Variants in CEP63 observed in about 807,000 individuals in gnomAD.
CEP63 encodes centrosomal protein 63.
A neutral mutation model predicts 89.1 loss-of-function variants in CEP63; 84 were observed. The ratio of observed to expected loss-of-function variants is 0.94; its 90% CI spans 0.79 to 1.13. The LOEUF (loss-of-function observed/expected upper bound fraction) is 1.13, where lower values mean the gene tolerates loss of function less well. CEP63 is among the 50% of genes most tolerant of loss of function. The pLI is 0.00. For synonymous variants in CEP63, 267 were observed against 272.5 expected (o/e 0.98, Z 0.20); for missense variants, 838 against 813.3 (o/e 1.03, Z -0.37).
At chr3:134,553,246 A>T (rs1560028209) in intron 12 of CEP63, 1 of 152,152 alleles carries the variant, frequency 6.6e-6, no homozygotes, top group South Asian at 2.1e-4. Flanking sequence ...ACTATTATAG[A>T]GTACCTTATT....
chr3:134,542,213 T>C (rs1029687054), intron 6 of CEP63, among the ~76,000 whole-genome samples: 15 of 152,202 alleles, frequency 9.9e-5, no homozygotes, highest in Admixed American at 9.2e-4. Context: ...AAATCCACTG[T>C]TAATTATATG....
chr3:134,740,266 TTTTA>T, the CEP63 span, among the ~76,000 whole-genome samples: 67,913 of 140,622 alleles, frequency 0.48, 17,903 homozygotes, highest in East Asian at 0.64. Flanking sequence ...TATTCTTTTC[TTTTA>T]TTTATTTATT....
Position 134,564,308 on chromosome 3 carries a change from C to G in CEP63, c.*2773C>G. 1 of 985,388 alleles carries G rather than the reference C, an allele frequency of 1.0e-6. No individual in the cohort carries two copies. Among genetic ancestry groups the G allele is most frequent in the Non-Finnish European group, 1.2e-6 (1 of 829,920 alleles). 61.0% of individuals were successfully genotyped at this position (985,388 alleles called of 1,614,324 possible). A position where few individuals can be genotyped will look rare whatever the true frequency, so the allele number is the denominator to read the frequency against. On this transcript the variant is annotated 3_prime_UTR_variant, in exon 15 of 15. Coordinates refer to ENST00000675561, the MANE Select transcript of CEP63 (RefSeq NM_001353108.3). ...TTGTGTTGGTGTGCATGCTGTCCTT[C>G]AGTTTGTCTCCTCTTCCCACACCCT...
chr3:134,576,163 C>A (rs1958208645), downstream of CEP63, among the ~76,000 whole-genome samples: 1 of 152,144 alleles, frequency 6.6e-6, no homozygotes, highest in African/African-American at 2.4e-5. Context: ...GGTGGTGAAG[C>A]CCTGGTATGG....
the CEP63 span, among the ~76,000 whole-genome samples, chr3:134,694,344 G>T: frequency 6.6e-6 from 1 of 152,206 alleles, no homozygotes; most frequent in African/African-American, 2.4e-5. Context: ...TCATCTGGCT[G>T]CAGAAGATGC....
rs190707995 is a variant in CEP63 at position 134,508,802 on chromosome 3, C to A, written c.222+1516C>A. ...ATGTTAAGTTTGGCCTGGGGACATA[C>A]AAGAAATTTAGAATTGCAGCTCTCT... On this transcript the variant is annotated intron_variant, in intron 3 of 14. Transcript: ENST00000675561. 2.6e-3 allele frequency among the ~76,000 whole-genome samples: 400 copies of A among 152,154 alleles called. 5 individuals carry two copies. Among genetic ancestry groups the A allele is most frequent in the African/African-American group, 9.2e-3 (381 of 41,508 alleles).
chr3:134,529,117 G>C (rs1949335112), intron 3 of CEP63, among the ~76,000 whole-genome samples: 1 of 152,124 alleles, frequency 6.6e-6, no homozygotes, highest in African/African-American at 2.4e-5. Context: ...GTAGACTTCA[G>C]TAAAAATCCT....
chr3:134,553,039 A>C (rs1376606804), intron 12 of CEP63: 1 of 152,194 alleles, frequency 6.6e-6, no homozygotes, highest in Non-Finnish European at 1.5e-5. Context: ...AATTTGCAAA[A>C]TGACTCATCT....
intron 12 of CEP63, among the ~76,000 whole-genome samples, chr3:134,554,740 C>T (rs1027416802): frequency 6.6e-6 from 1 of 152,176 alleles, no homozygotes; most frequent in African/African-American, 2.4e-5. Flanking sequence ...TCCTCTCCAG[C>T]ACCTGTTGTT....
At chr3:134,495,935 A>C (rs1939735484) in intron 2 of CEP63, among the ~76,000 whole-genome samples, 1 of 152,182 alleles carries the variant, frequency 6.6e-6, no homozygotes. Context: ...GTATTCCATG[A>C]TGGATATATT....
chr3:134,555,488 CAGAG>C (rs1241023283), intron 12 of CEP63, among the ~76,000 whole-genome samples: 2 of 150,126 alleles, frequency 1.3e-5, no homozygotes, highest in Non-Finnish European at 3.0e-5. Context: ...AACAGACAAA[CAGAG>C]AGCCAAATCA....
chr3:134,530,655 GA>G (rs1343434922), intron 3 of CEP63, among the ~76,000 whole-genome samples: 1 of 151,982 alleles, frequency 6.6e-6, no homozygotes, highest in Non-Finnish European at 1.5e-5. Flanking sequence ...CTTTCATCCA[GA>G]AATTCAGTTA....
chr3:134,694,788 T>C, the CEP63 span, among the ~76,000 whole-genome samples: 1 of 152,244 alleles, frequency 6.6e-6, no homozygotes, highest in East Asian at 1.9e-4. Context: ...CCCTGCAACC[T>C]AGACAATAAA....
chr3:134,726,465 C>CACACACAA, the CEP63 span, among the ~76,000 whole-genome samples: 1 of 142,160 alleles, frequency 7.0e-6, no homozygotes, highest in African/African-American at 2.9e-5. Flanking sequence ...GACAGACACA[C>CACACACAA]ACACACACAC....
the CEP63 span, among the ~76,000 whole-genome samples, chr3:134,760,104 G>C: frequency 2.0e-4 from 29 of 146,436 alleles, no homozygotes; most frequent in African/African-American, 7.4e-4. Flanking sequence ...TGTCGCCCAG[G>C]CTGGAGTGCA....
At chr3:134,654,974 TCC>T in the CEP63 span, among the ~76,000 whole-genome samples, 13 of 152,116 alleles carry the variant, frequency 8.5e-5, no homozygotes, top group African/African-American at 3.1e-4. Flanking sequence ...ATCATATCAA[TCC>T]CCTCTGGAGC....
At chr3:134,662,314 A>G in the CEP63 span, among the ~76,000 whole-genome samples, 23 of 152,184 alleles carry the variant, frequency 1.5e-4, no homozygotes, top group South Asian at 4.8e-3. Context: ...CTGTCTTTGA[A>G]CCAGGAAGTG....
the CEP63 span, among the ~76,000 whole-genome samples, chr3:134,668,870 C>T: frequency 2.6e-5 from 4 of 152,180 alleles, no homozygotes; most frequent in East Asian, 1.9e-4. Flanking sequence ...CCACTACCTC[C>T]ACCACCTTCA....
the CEP63 span, among the ~76,000 whole-genome samples, chr3:134,606,208 C>G: frequency 6.6e-6 from 1 of 152,164 alleles, no homozygotes; most frequent in Non-Finnish European, 1.5e-5. Flanking sequence ...CCCAGATCCC[C>G]CTGAGATTCA....
Sources: gnomAD v4.1 joint callset for allele counts (sites outside exome capture counted in the v4.1 genomes callset) on GRCh38, gnomAD v4.1.1 for gene constraint, MANE v1.5 for transcripts, NCBI Gene and HGNC (gene_info 2026-07-23, HGNC 2026-07-21) for gene names.